The following BMI1 variants were observed in gnomAD, a reference collection of about 807,000 sequenced individuals.
BMI1 encodes the protein polycomb complex protein BMI-1.
A neutral mutation model predicts 39.1 loss-of-function variants in BMI1; 9 were observed. The ratio of observed to expected loss-of-function variants is 0.23; its 90% CI spans 0.14 to 0.40. The LOEUF is 0.40. Ranked by LOEUF, BMI1 falls within the 10% of genes least tolerant of loss-of-function variation. The pLI, the probability that BMI1 is intolerant of heterozygous loss-of-function variation, is 1.00. For synonymous variants in BMI1, 131 were observed against 127.9 expected (o/e 1.02, Z -0.16); for missense variants, 252 against 390.8 (o/e 0.64, Z 2.99).
chr10:22,329,863 C>T lies in BMI1; in HGVS notation c.*321C>T. The T allele has an allele frequency of 4.0e-6, 1 of 252,668 alleles. No individual in the cohort carries two copies. Among genetic ancestry groups the T allele is most frequent in the Non-Finnish European group, 7.6e-6 (1 of 131,018 alleles). The allele number at this position is 252,668 out of a possible 1,614,324, so 15.7% of individuals were successfully genotyped here. Reference sequence around the variant, plus strand: ...CTCTGCAGTGGACATAAGCATTGGGCCATAGTTTGTTAATCTCAACTAACG... The same window carrying T: ...CTCTGCAGTGGACATAAGCATTGGGTCATAGTTTGTTAATCTCAACTAACG... On this transcript the variant is annotated 3_prime_UTR_variant, in exon 10 of 10. Coordinates refer to ENST00000376663, the MANE Select transcript of BMI1 (RefSeq NM_005180.9).
chr10:22,326,996 T>C lies in BMI1; in HGVS notation c.209+10T>C. ...CACTACTGAATATAAGGTAGGAAAC[T>C]GTTGAAATTCCTTGTTTGTAATTAT... On this transcript the variant is annotated intron_variant, in intron 3 of 9. Coordinates refer to ENST00000376663, the MANE Select transcript of BMI1 (RefSeq NM_005180.9). 6.2e-7 allele frequency: 1 copy of C among 1,610,264 alleles called. No individual in the cohort carries two copies. Among genetic ancestry groups the C allele is most frequent in the Non-Finnish European group, 8.5e-7 (1 of 1,178,358 alleles).
intron 1 of BMI1, chr10:22,326,199 A>G (rs1027560797): frequency 2.2e-6 from 1 of 463,134 alleles, no homozygotes; most frequent in Non-Finnish European, 3.8e-6. Context: ...ACTTTCTTCT[A>G]CCTACAGGAA....
rs141899086 is a variant in BMI1, at chr10:22,325,001, A to C, written c.-19-1430A>C. Among the ~76,000 whole-genome samples the C allele has an allele frequency of 1.0e-3, 152 of 152,292 alleles. 1 individual carries two copies. In the East Asian group the frequency reaches 0.024, roughly 24 times the overall value. ...CTTTGGGTTGACAAGCTGTTGATTT[A>C]GCGTTGGAAATGGGCTGGTCACATG... On this transcript the variant is annotated intron_variant, in intron 1 of 9. Coordinates refer to ENST00000376663, the MANE Select transcript of BMI1 (RefSeq NM_005180.9).
chr10:22,326,102 C>T (rs1299915497), intron 1 of BMI1: 1 of 183,222 alleles, frequency 5.5e-6, no homozygotes, highest in African/African-American at 2.4e-5. Flanking sequence ...GATTGTGTGG[C>T]GTCTGCAGCA....
chr10:22,322,134 C>G (rs1030190245), intron 1 of BMI1: 2 of 152,054 alleles, frequency 1.3e-5, no homozygotes, highest in Non-Finnish European at 2.9e-5. Flanking sequence ...TTTCCAGCCT[C>G]GGCGGCTCTC....
intron 9 of BMI1, 36 bp downstream of exon 9, chr10:22,329,164 A>T: frequency 6.2e-7 from 1 of 1,609,984 alleles, no homozygotes; most frequent in Non-Finnish European, 8.5e-7. Flanking sequence ...TATGATGGTA[A>T]ACTATATTTA....
At chr10:22,323,966 A>G (rs190281465) in intron 1 of BMI1, among the ~76,000 whole-genome samples, 19 of 152,370 alleles carry the variant, frequency 1.2e-4, no homozygotes, top group Admixed American at 1.0e-3. Context: ...ATTTATTAGC[A>G]TTATAAATGG....
intron 1 of BMI1, 113 bp from the exon 2 acceptor site, chr10:22,326,318 C>G: frequency 7.0e-7 from 1 of 1,419,886 alleles, no homozygotes. Context: ...TAGGACAGCC[C>G]AGCTGTACAG....
In BMI1 at chr10:22,328,629, A is replaced by T; in HGVS notation, c.501A>T (p.Pro167=). The stretch of plus-strand genomic sequence containing the variant: ...ATGATAAAAGATACTTACGATGCCC[A>T]GCAGCAATGACTGTGATGCACTTAA... ...EVNDKRYLRC[P]AAMTVMHLRK... The change falls in exon 8 of 10, where the codon CCA becomes CCT. Residue 167 remains proline (P), a synonymous_variant. Coordinates refer to ENST00000376663, the MANE Select transcript of BMI1 (RefSeq NM_005180.9). 1.9e-6 allele frequency: 3 copies of T among 1,607,848 alleles called. No individual in the cohort carries two copies. Among genetic ancestry groups the T allele is most frequent in the Non-Finnish European group, 2.5e-6 (3 of 1,177,232 alleles).
intron 5 of BMI1, 57 bp downstream of exon 5, chr10:22,327,849 TTAAAA>T: frequency 6.2e-7 from 1 of 1,602,466 alleles, no homozygotes; most frequent in Non-Finnish European, 8.5e-7. Flanking sequence ...TATCTAGGAA[TTAAAA>T]TGTATTAAAA....
chr10:22,327,084 T>C, intron 3 of BMI1, 98 bp downstream of exon 3: 1 of 1,330,716 alleles, frequency 7.5e-7, no homozygotes. Flanking sequence ...AATTTACTCT[T>C]GAATACATAA....
In BMI1 at chr10:22,327,196, A is replaced by AT. The variant is rs35900791; in HGVS notation, c.209+219dup. Among the ~76,000 whole-genome samples, 17 of 151,740 alleles carry AT rather than the reference A, an allele frequency of 1.1e-4. No individual in the cohort carries two copies. The East Asian group carries it at 1.7e-3, about 16-fold the overall frequency. On this transcript the variant is annotated intron_variant, in intron 3 of 9. Coordinates refer to ENST00000376663, the MANE Select transcript of BMI1 (RefSeq NM_005180.9). Reference sequence around the variant, plus strand: ...TTAGTAGTATTCAAGTGATTTTAAGATTTTTTTTTCCTAACTGTCCTTTAA... The same window carrying AT: ...TTAGTAGTATTCAAGTGATTTTAAGATTTTTTTTTTCCTAACTGTCCTTTAA...
At chr10:22,325,581 C>G (rs983609394) in intron 1 of BMI1, 2 of 145,146 alleles carry the variant, frequency 1.4e-5, no homozygotes, top group Non-Finnish European at 3.1e-5. Context: ...GCCGCACCCA[C>G]CCCGCCCCCG....
rs895224570 is a variant in BMI1, at chr10:22,330,821, C to G, written c.*1279C>G. 4 of 152,548 alleles carry G rather than the reference C, an allele frequency of 2.6e-5. No individual in the cohort carries two copies. The highest frequency in any genetic ancestry group is 5.9e-5 in the Non-Finnish European group (4 of 67,974). 9.4% of individuals were successfully genotyped at this position (152,548 alleles called of 1,614,324 possible). On this transcript the variant is annotated 3_prime_UTR_variant, in exon 10 of 10. Transcript: ENST00000376663. ...CTTCTACAGGTATTTTTAAATAGAG[C>G]AAGCATGTTGAATTTAAAATATGAA...
At chr10:22,329,189 A>AT (rs781227096) in intron 9 of BMI1, 24 bp from the exon 10 acceptor site, 2 of 1,610,896 alleles carry the variant, frequency 1.2e-6, no homozygotes, top group Non-Finnish European at 1.7e-6. Context: ...ATTAAGAGTA[A>AT]TTTTTTTCCT....
chr10:22,321,794 C>T (rs1368739257), intron 1 of BMI1, 98 bp downstream of exon 1: 1 of 144,608 alleles, frequency 6.9e-6, no homozygotes, highest in Non-Finnish European at 1.5e-5. Flanking sequence ...GCCCCCCCCG[C>T]GCCCCGGCCG....
chr10:22,327,235 T>G (rs1836177102), intron 3 of BMI1, among the ~76,000 whole-genome samples: 1 of 152,196 alleles, frequency 6.6e-6, no homozygotes, highest in Non-Finnish European at 1.5e-5. Flanking sequence ...CTGAGTTAGT[T>G]CACCTTTTTT....
intron 1 of BMI1, among the ~76,000 whole-genome samples, chr10:22,323,039 G>T (rs972394251): frequency 1.7e-4 from 26 of 152,190 alleles, no homozygotes; most frequent in Non-Finnish European, 2.8e-4. Context: ...TTATCCAAAT[G>T]CAAGTGTAGG....
rs1836243822 is a variant in BMI1, at chr10:22,329,770, A to G, written c.*228A>G. The G allele has an allele frequency of 3.6e-6, 2 of 552,022 alleles. No homozygotes were observed. The highest frequency in any genetic ancestry group is 2.5e-5 in the South Asian group (1 of 39,614). 34.2% of individuals were successfully genotyped at this position (552,022 alleles called of 1,614,324 possible). On this transcript the variant is annotated 3_prime_UTR_variant, in exon 10 of 10. Coordinates refer to ENST00000376663, the MANE Select transcript of BMI1 (RefSeq NM_005180.9). Reference sequence around the variant, plus strand: ...AGAATTGGTTTCTTGGAAAGCAGGCAAGACTTTTTCTCTGTGTTAGGAAAG... The same window carrying G: ...AGAATTGGTTTCTTGGAAAGCAGGCGAGACTTTTTCTCTGTGTTAGGAAAG...
Sources: gnomAD v4.1 joint callset for allele counts (sites outside exome capture counted in the v4.1 genomes callset) on GRCh38, gnomAD v4.1.1 for gene constraint, MANE v1.5 for transcripts, NCBI Gene and HGNC (gene_info 2026-07-23, HGNC 2026-07-21) for gene names.